The following CERS6 variants were observed in gnomAD, a reference collection of about 807,000 sequenced individuals.
CERS6 encodes the protein LAG1 homolog, ceramide synthase 6.
A neutral mutation model predicts 56.8 loss-of-function variants in CERS6; 26 were observed. The ratio of observed to expected loss-of-function variants is 0.46; its 90% CI spans 0.34 to 0.63. The LOEUF (loss-of-function observed/expected upper bound fraction) is 0.63. Among genes scored for constraint, CERS6 ranks in the 30% least tolerant of loss-of-function variants. CERS6 has a pLI of 0.01. For synonymous variants in CERS6, 164 were observed against 173.3 expected (o/e 0.95, Z 0.42); for missense variants, 415 against 467.5 (o/e 0.89, Z 1.04).
At chr2:168,645,627 T>C (rs1357887793) in intron 4 of CERS6, among the ~76,000 whole-genome samples, 1 of 152,172 alleles carries the variant, frequency 6.6e-6, no homozygotes. Context: ...TATAGATTAT[T>C]TCATCACCCA....
intron 8 of CERS6, among the ~76,000 whole-genome samples, chr2:168,747,375 A>G (rs192927137): frequency 6.6e-6 from 1 of 152,138 alleles, no homozygotes; most frequent in East Asian, 1.9e-4. Flanking sequence ...CATGATTTTA[A>G]TGTATGAATA....
At chr2:168,710,127 T>C (rs1467882570) in intron 6 of CERS6, among the ~76,000 whole-genome samples, 2 of 152,172 alleles carry the variant, frequency 1.3e-5, no homozygotes, top group Non-Finnish European at 2.9e-5. Context: ...AAAAACATCT[T>C]TACAAAGCAA....
chr2:168,572,083 C>T (rs1387180368), intron 3 of CERS6, among the ~76,000 whole-genome samples: 1 of 152,060 alleles, frequency 6.6e-6, no homozygotes, highest in Non-Finnish European at 1.5e-5. Context: ...ACACACAGGC[C>T]AAGGTTAACA....
At chr2:168,715,379 T>C (rs1051234525) in intron 7 of CERS6, among the ~76,000 whole-genome samples, 1 of 152,166 alleles carries the variant, frequency 6.6e-6, no homozygotes, top group Admixed American at 6.5e-5. Context: ...ACTTAAGAAA[T>C]GAATGATTTT....
intron 4 of CERS6, among the ~76,000 whole-genome samples, chr2:168,680,357 T>C (rs1686181422): frequency 6.6e-6 from 1 of 152,332 alleles, no homozygotes; most frequent in African/African-American, 2.4e-5. Context: ...TTGAACTTTT[T>C]TCATCTGGAG....
chr2:168,767,697 C>T (rs1684758135), intron 9 of CERS6, among the ~76,000 whole-genome samples: 2 of 152,158 alleles, frequency 1.3e-5, no homozygotes, highest in Admixed American at 1.3e-4. Flanking sequence ...GACGTTCTCC[C>T]ACAGGAACTG....
chr2:168,579,115 T>A (rs752080685), intron 3 of CERS6, among the ~76,000 whole-genome samples: 1 of 152,192 alleles, frequency 6.6e-6, no homozygotes, highest in African/African-American at 2.4e-5. Context: ...TTCCCATGTA[T>A]CCATCATACA....
In CERS6 at chr2:168,663,789, T is replaced by C. The variant is rs146965916; in HGVS notation, c.466-27245T>C. ...TATACTTTAAAAAAAATCTCTAAAT[T>C]TTTCTTCAGTCTTAAAATCTGTTGG... On this transcript the variant is annotated intron_variant, in intron 4 of 9. Coordinates refer to ENST00000305747, the MANE Select transcript of CERS6 (RefSeq NM_203463.3). 6.2e-3 allele frequency among the ~76,000 whole-genome samples: 938 copies of C among 152,332 alleles called. 10 individuals are homozygous for C. The highest frequency in any genetic ancestry group is 0.02 in the African/African-American group (851 of 41,564).
chr2:168,520,501 G>A (rs1190036275), intron 1 of CERS6, among the ~76,000 whole-genome samples: 5 of 149,670 alleles, frequency 3.3e-5, no homozygotes, highest in African/African-American at 1.2e-4. Context: ...TAAATTATTT[G>A]CCTGGACCAA....
intron 3 of CERS6, among the ~76,000 whole-genome samples, chr2:168,591,984 T>G (rs932273820): frequency 6.6e-6 from 1 of 152,162 alleles, no homozygotes; most frequent in African/African-American, 2.4e-5. Context: ...TAATTGGGCC[T>G]CAGGGTGCCC....
intron 8 of CERS6, among the ~76,000 whole-genome samples, chr2:168,749,455 A>G (rs1463084373): frequency 2.0e-5 from 3 of 152,174 alleles, no homozygotes; most frequent in African/African-American, 7.2e-5. Context: ...CAGCACTTCC[A>G]GGGAGCCACA....
At chr2:168,492,432 G>A (rs191653944) in intron 1 of CERS6, among the ~76,000 whole-genome samples, 19 of 152,284 alleles carry the variant, frequency 1.2e-4, no homozygotes, top group African/African-American at 4.6e-4. Flanking sequence ...AGAAGTGTCT[G>A]TTCATATCCT....
chr2:168,754,339 T>G (rs1684360394), intron 8 of CERS6, among the ~76,000 whole-genome samples: 1 of 152,148 alleles, frequency 6.6e-6, no homozygotes, highest in Non-Finnish European at 1.5e-5. Context: ...TATATATACT[T>G]TACATAACTA....
intron 7 of CERS6, among the ~76,000 whole-genome samples, chr2:168,717,011 C>A (rs576244261): frequency 1.3e-5 from 2 of 152,158 alleles, no homozygotes; most frequent in Non-Finnish European, 2.9e-5. Flanking sequence ...GCTGTGAATT[C>A]TATGCAAAAA....
At chr2:168,542,113 GTGTT>G (rs1283344620) in intron 1 of CERS6, among the ~76,000 whole-genome samples, 4 of 152,224 alleles carry the variant, frequency 2.6e-5, no homozygotes, top group African/African-American at 4.8e-5. Context: ...CCCTCAGGTA[GTGTT>G]TGTTTGTTTT....
In CERS6 at chr2:168,631,008, A is replaced by G; in HGVS notation, c.431A>G (p.Tyr144Cys). ...AGGTGGAGATTTTCATTTTACCTTT[A>G]TGTATTTACCTACGGAGTCAGATTC... is the stretch of plus-strand genomic sequence containing the variant. ...ESMWRFSFYL[Y>C]VFTYGVRFLK... The change falls in exon 4 of 10, where the codon TAT (tyrosine) becomes TGT (cysteine). Residue 144 changes from tyrosine to cysteine, a missense_variant. Coordinates refer to ENST00000305747, the MANE Select transcript of CERS6 (RefSeq NM_203463.3). 1 of 1,533,638 alleles carries G rather than the reference A, an allele frequency of 6.5e-7. No homozygotes were observed.
intron 1 of CERS6, among the ~76,000 whole-genome samples, chr2:168,461,076 G>C (rs1240970004): frequency 6.6e-6 from 1 of 152,100 alleles, no homozygotes; most frequent in African/African-American, 2.4e-5. Context: ...AACAGTGGGG[G>C]TATCAGGTGA....
chr2:168,616,868 A>G (rs756675697), intron 3 of CERS6, among the ~76,000 whole-genome samples: 7 of 152,062 alleles, frequency 4.6e-5, no homozygotes, highest in Admixed American at 1.3e-4. Context: ...TTTTTACTAT[A>G]CCCTGGAACA....
At chr2:168,645,138 TATATAGAG>T (rs1302817321) in intron 4 of CERS6, among the ~76,000 whole-genome samples, 33 of 30,024 alleles carry the variant, frequency 1.1e-3, no homozygotes, top group African/African-American at 2.1e-3. Context: ...TATATATATA[TATATAGAG>T]AGAGAGAGAG....
Sources: gnomAD v4.1 joint callset for allele counts (sites outside exome capture counted in the v4.1 genomes callset) on GRCh38, gnomAD v4.1.1 for gene constraint, MANE v1.5 for transcripts, NCBI Gene and HGNC (gene_info 2026-07-23, HGNC 2026-07-21) for gene names.